The following LPAR3 variants were observed in gnomAD, a reference collection of about 807,000 sequenced individuals.
LPAR3 encodes the protein LPA receptor 3.
LPAR3 carries 7 observed loss-of-function variants against 17.8 expected under a neutral mutation model. The ratio of observed to expected loss-of-function variants is 0.39; its 90% confidence interval spans 0.22 to 0.74. LPAR3 has a LOEUF of 0.74. Ranked by LOEUF, LPAR3 falls within the 30% of genes least tolerant of loss-of-function variation. The pLI, the probability that LPAR3 is intolerant of heterozygous loss-of-function variation, is 0.40. For synonymous variants in LPAR3, 179 were observed against 179.9 expected (o/e 0.99, Z 0.04); for missense variants, 391 against 453.4 (o/e 0.86, Z 1.25).
intron 2 of LPAR3, among the ~76,000 whole-genome samples, chr1:84,844,871 G>C (rs1254089773): frequency 2.0e-5 from 3 of 152,156 alleles, no homozygotes; most frequent in African/African-American, 7.2e-5. Context: ...ATATTAACCT[G>C]TTAACAGTGG....
intron 1 of LPAR3, among the ~76,000 whole-genome samples, chr1:84,869,270 T>A (rs904816630): frequency 2.0e-5 from 3 of 152,226 alleles, no homozygotes; most frequent in African/African-American, 7.2e-5. Flanking sequence ...GTTTAAGACA[T>A]GTTTTTAGCA....
chr1:84,864,822 T>C (rs1660008278), intron 2 of LPAR3, among the ~76,000 whole-genome samples: 1 of 151,676 alleles, frequency 6.6e-6, no homozygotes, highest in Admixed American at 6.6e-5. Flanking sequence ...AAAGCTGAAG[T>C]CCTTATAACC....
chr1:84,848,352 A>G (rs562003492), intron 2 of LPAR3, among the ~76,000 whole-genome samples: 1 of 152,344 alleles, frequency 6.6e-6, no homozygotes, highest in African/African-American at 2.4e-5. Context: ...CCCAAATAAC[A>G]GAAGTACAGA....
chr1:84,819,243 C>A (rs1449372017), intron 2 of LPAR3, among the ~76,000 whole-genome samples: 1 of 152,174 alleles, frequency 6.6e-6, no homozygotes, highest in Non-Finnish European at 1.5e-5. Context: ...CACAGTAACC[C>A]TCTCTTGAGA....
chr1:84,828,116 C>T (rs1429559448), intron 2 of LPAR3, among the ~76,000 whole-genome samples: 3 of 152,174 alleles, frequency 2.0e-5, no homozygotes, highest in Non-Finnish European at 2.9e-5. Context: ...TCATCTCTCT[C>T]TCTCTCTCTT....
At chr1:84,844,829 A>G (rs1659567492) in intron 2 of LPAR3, among the ~76,000 whole-genome samples, 1 of 152,188 alleles carries the variant, frequency 6.6e-6, no homozygotes. Flanking sequence ...ACAGTCTTTT[A>G]TTATTTGCAG....
chr1:84,872,772 G>A (rs1021468633), intron 1 of LPAR3, among the ~76,000 whole-genome samples: 2 of 152,178 alleles, frequency 1.3e-5, no homozygotes, highest in Admixed American at 6.5e-5. Flanking sequence ...ATGGAAATGG[G>A]GCGGGCGGTG....
chr1:84,868,477 T>C (rs1660096652), intron 1 of LPAR3, among the ~76,000 whole-genome samples: 1 of 152,164 alleles, frequency 6.6e-6, no homozygotes, highest in South Asian at 2.1e-4. Flanking sequence ...AATCTAGTGA[T>C]ACTCAATTTA....
intron 2 of LPAR3, among the ~76,000 whole-genome samples, chr1:84,835,761 C>T (rs1387817806): frequency 6.6e-6 from 1 of 152,134 alleles, no homozygotes; most frequent in Non-Finnish European, 1.5e-5. Context: ...GTCTTAATCA[C>T]CAAACTTCAG....
chr1:84,858,410 G>A (rs1659870423), intron 2 of LPAR3, among the ~76,000 whole-genome samples: 1 of 150,470 alleles, frequency 6.6e-6, no homozygotes, highest in African/African-American at 2.5e-5. Context: ...CTTGAACCCA[G>A]GAGGCGGAGG....
Position 84,813,159 on chromosome 1 carries a change from A to ATG in LPAR3, c.*686_*687insCA, listed in dbSNP as rs59691846. On this transcript the variant is annotated 3_prime_UTR_variant, in exon 3 of 3. Transcript: ENST00000370611. ...TATATATATATATATATATATATAT[A>ATG]GACACACACACACACACACACACAC... is the stretch of plus-strand genomic sequence containing the variant. 1.2e-4 allele frequency: 12 copies of ATG among 97,528 alleles called. No homozygotes were observed. Among genetic ancestry groups the ATG allele is most frequent in the African/African-American group, 3.8e-4 (10 of 26,080 alleles). The allele number at this position is 97,528 out of a possible 1,614,324, so 6.0% of individuals were successfully genotyped here.
chr1:84,880,085 T>C (rs1290547017), intron 1 of LPAR3, among the ~76,000 whole-genome samples: 1 of 152,098 alleles, frequency 6.6e-6, no homozygotes, highest in Non-Finnish European at 1.5e-5. Context: ...ATCCCAGCAC[T>C]TTGGGAGGCC....
chr1:84,815,541 C>T (rs746417287), intron 2 of LPAR3, among the ~76,000 whole-genome samples: 13 of 152,142 alleles, frequency 8.5e-5, no homozygotes, highest in Non-Finnish European at 1.9e-4. Flanking sequence ...TAATACCAAG[C>T]AGGGAAAGAC....
intron 2 of LPAR3, among the ~76,000 whole-genome samples, chr1:84,815,769 G>A (rs938774710): frequency 1.6e-4 from 25 of 152,178 alleles, no homozygotes; most frequent in African/African-American, 6.0e-4. Flanking sequence ...CCAACACTGT[G>A]GTGGGTTCAC....
intron 1 of LPAR3, among the ~76,000 whole-genome samples, chr1:84,874,832 A>G (rs1251145573): frequency 1.3e-5 from 2 of 152,212 alleles, no homozygotes; most frequent in African/African-American, 2.4e-5. Context: ...TATACAGCAA[A>G]TAAGCCTTAG....
At chr1:84,882,062 A>T (rs1186533774) in intron 1 of LPAR3, among the ~76,000 whole-genome samples, 25 of 152,242 alleles carry the variant, frequency 1.6e-4, no homozygotes, top group Admixed American at 1.6e-3. Flanking sequence ...CATCAACAAC[A>T]TGATCTTATA....
chr1:84,824,389 G>T (rs1041066593), intron 2 of LPAR3, among the ~76,000 whole-genome samples: 2 of 152,076 alleles, frequency 1.3e-5, no homozygotes, highest in Non-Finnish European at 2.9e-5. Flanking sequence ...ATTTGTTTCT[G>T]GGCTCAGATA....
At chr1:84,852,842 T>C (rs532339024) in intron 2 of LPAR3, among the ~76,000 whole-genome samples, 17 of 152,232 alleles carry the variant, frequency 1.1e-4, no homozygotes, top group Non-Finnish European at 1.0e-4. Flanking sequence ...TCAAGGTAGA[T>C]CACTAAATCT....
At chr1:84,885,604 G>A (rs1660446294) in intron 1 of LPAR3, among the ~76,000 whole-genome samples, 1 of 152,072 alleles carries the variant, frequency 6.6e-6, no homozygotes, top group African/African-American at 2.4e-5. Context: ...GGAATGCAAC[G>A]TGAGGCTGGG....
Sources: gnomAD v4.1 joint callset for allele counts (sites outside exome capture counted in the v4.1 genomes callset) on GRCh38, gnomAD v4.1.1 for gene constraint, MANE v1.5 for transcripts, NCBI Gene and HGNC (gene_info 2026-07-23, HGNC 2026-07-21) for gene names.